The following MTAP variants were observed in gnomAD, a reference collection of about 807,000 sequenced individuals.
The protein encoded by MTAP is S-methyl-5'-thioadenosine phosphorylase.
In MTAP, 33 loss-of-function variants were observed where a neutral mutation model predicts 33.6. The ratio of observed to expected loss-of-function variants is 0.98; its 90% CI spans 0.74 to 1.31. The LOEUF is 1.31. Among genes scored for constraint, MTAP ranks in the 40% most tolerant of loss-of-function variants. MTAP has a pLI of 0.00. For missense variants in MTAP, 367 were observed against 360.0 expected, an observed-to-expected ratio of 1.02 and a Z score of -0.16; for synonymous variants, 148 against 125.7, an observed-to-expected ratio of 1.18 and a Z score of -1.19.
intron 3 of MTAP, 124 bp from the exon 4 acceptor site, chr9:21,817,911 A>C: frequency 1.1e-6 from 1 of 914,552 alleles, no homozygotes; most frequent in Non-Finnish European, 1.6e-6. Flanking sequence ...ACTGGGTTCT[A>C]GGAGACCCCC....
intron 1 of MTAP, among the ~76,000 whole-genome samples, chr9:21,882,973 A>G (rs1428145306): frequency 6.7e-6 from 1 of 149,822 alleles, no homozygotes; most frequent in Non-Finnish European, 1.5e-5. Flanking sequence ...TTATTTTCAA[A>G]AAGAAAAAAA....
At chr9:21,908,165 C>T (rs544639081) in intron 1 of MTAP, among the ~76,000 whole-genome samples, 1 of 152,258 alleles carries the variant, frequency 6.6e-6, no homozygotes, top group Admixed American at 6.5e-5. Flanking sequence ...GATTCTTTCT[C>T]CATGTCTATA....
downstream of MTAP, among the ~76,000 whole-genome samples, chr9:21,938,537 TATA>T (rs1385632453): frequency 5.3e-5 from 8 of 152,304 alleles, no homozygotes; most frequent in Admixed American, 5.2e-4. Flanking sequence ...CTTCTTATGT[TATA>T]ATATTATTCA....
Position 21,865,371 on chromosome 9 carries a change from T to A in MTAP, c.*3357T>A. On this transcript the variant is annotated 3_prime_UTR_variant, in exon 8 of 8. Transcript: ENST00000644715. ...CAGCTATGTGGAACTGTGAGTTAAT[T>A]AAACCTCTTTCCTTTATAAATTACC... 2.2e-6 allele frequency: 2 copies of A among 914,738 alleles called. No individual in the cohort carries two copies. The highest frequency in any genetic ancestry group is 2.6e-6 in the Non-Finnish European group (2 of 765,566). The allele number at this position is 914,738 out of a possible 1,614,324, so 56.7% of individuals were successfully genotyped here.
Position 21,867,038 on chromosome 9 carries a change from T to A in MTAP, c.*5024T>A, listed in dbSNP as rs1394441572. ...AGAAATATGTTTTATTTTTGTATAT[T>A]GACTTTATATTCTGTAATCTTATTA... is the stretch of plus-strand genomic sequence containing the variant. On this transcript the variant is annotated 3_prime_UTR_variant, in exon 8 of 8. Coordinates refer to ENST00000644715, the MANE Select transcript of MTAP (RefSeq NM_002451.4). The A allele has an allele frequency of 6.6e-6, 1 of 152,214 alleles. No homozygotes were observed. Among genetic ancestry groups the A allele is most frequent in the East Asian group, 1.9e-4 (1 of 5,208 alleles). The allele number at this position is 152,214 out of a possible 1,614,324, so 9.4% of individuals were successfully genotyped here.
chr9:21,905,455 TTTAAA>T (rs930011082), intron 1 of MTAP, among the ~76,000 whole-genome samples: 2 of 148,934 alleles, frequency 1.3e-5, no homozygotes, highest in African/African-American at 5.0e-5. Flanking sequence ...TGAAAAAAAG[TTTAAA>T]TTAGTTATGT....
Position 21,922,277 on chromosome 9 carries a change from G to T in MTAP, c.148-8731G>T, listed in dbSNP as rs1411184788. Among the ~76,000 whole-genome samples, 1 of 151,930 alleles carries T rather than the reference G, an allele frequency of 6.6e-6. No homozygotes were observed. The highest frequency in any genetic ancestry group is 6.6e-5 in the Admixed American group (1 of 15,254). ...CGCTCACAAGTGCTGGCAGGCCACT[G>T]TGCATGTGGATGGCCCACCCCAAGG... is the stretch of plus-strand genomic sequence containing the variant. On this transcript the variant is annotated intron_variant, in intron 1 of 1. Transcript: ENST00000577563. This position sits in a 1 kb window ranked among gnomAD's most constrained non-coding sequence, Gnocchi z 4.8.
At chr9:21,905,950 T>A (rs538093313) in intron 1 of MTAP, among the ~76,000 whole-genome samples, 1 of 152,276 alleles carries the variant, frequency 6.6e-6, no homozygotes, top group Admixed American at 6.5e-5. Flanking sequence ...TTCAAGTGGG[T>A]TTGGTATTTA....
chr9:21,900,989 G>T (rs1272330516), intron 1 of MTAP, among the ~76,000 whole-genome samples: 1 of 152,140 alleles, frequency 6.6e-6, no homozygotes, highest in African/African-American at 2.4e-5. Context: ...ACACAAAGAA[G>T]GGAACAACTG....
chr9:21,863,174 A>T lies in MTAP; in HGVS notation c.*1160A>T, dbSNP rs1329268148. 3.1e-6 allele frequency: 3 copies of T among 955,634 alleles called. No homozygotes were observed. The highest frequency in any genetic ancestry group is 3.7e-6 in the Non-Finnish European group (3 of 802,998). The allele number at this position is 955,634 out of a possible 1,614,324, so 59.2% of individuals were successfully genotyped here. ...ATTTAAAAGACTAAATGCACATTTT[A>T]TGGTATCTGATATTTTAAAAAGTAA... On this transcript the variant is annotated 3_prime_UTR_variant, in exon 8 of 8. Coordinates refer to ENST00000644715, the MANE Select transcript of MTAP (RefSeq NM_002451.4).
chr9:21,816,949 T>TGGGG (rs1337578905), intron 3 of MTAP, among the ~76,000 whole-genome samples, 177 bp downstream of exon 3: 1 of 152,206 alleles, frequency 6.6e-6, no homozygotes, highest in Non-Finnish European at 1.5e-5. Context: ...ACTTAGGAGA[T>TGGGG]CAAAGATCTC....
rs913643362 is a variant in MTAP at position 21,802,856 on chromosome 9, C to T, written c.33+75C>T. The T allele has an allele frequency of 2.5e-6, 4 of 1,583,880 alleles. No homozygotes were observed. In the African/African-American group the frequency reaches 4.1e-5, roughly 16 times the overall value. The stretch of plus-strand genomic sequence containing the variant: ...TCGCCCCCGCGCCGGGGGACCGCGC[C>T]TCCGGGGGCCATGCGCCCGGCCCGT... On this transcript the variant is annotated intron_variant, in intron 1 of 7. Transcript: ENST00000644715.
intron 1 of MTAP, among the ~76,000 whole-genome samples, chr9:21,925,175 C>A (rs1402515583): frequency 2.0e-5 from 3 of 152,214 alleles, no homozygotes; most frequent in Non-Finnish European, 4.4e-5. Context: ...AGAGCCAAGC[C>A]TGTAAACTAT....
intron 1 of MTAP, among the ~76,000 whole-genome samples, chr9:21,920,347 T>C (rs4977746): frequency 0.38 from 57,923 of 152,032 alleles, 14,496 homozygotes; most frequent in African/African-American, 0.69. Flanking sequence ...ATTAGAGCAA[T>C]GAAAAGAGAT....
intron 1 of MTAP, among the ~76,000 whole-genome samples, chr9:21,805,166 A>G (rs1824177701): frequency 6.6e-6 from 1 of 151,542 alleles, no homozygotes; most frequent in African/African-American, 2.4e-5. Context: ...GTACTCCTTT[A>G]ATGTCAGCCC....
At chr9:21,890,477 A>G (rs1356844519) in intron 1 of MTAP, among the ~76,000 whole-genome samples, 1 of 152,028 alleles carries the variant, frequency 6.6e-6, no homozygotes, top group African/African-American at 2.4e-5. Flanking sequence ...AGGAAAGTTC[A>G]TGATTGGTCA....
At chr9:21,932,978 T>C (rs1160553552), downstream of MTAP, 1 of 152,242 alleles carries the variant, frequency 6.6e-6, no homozygotes, top group Non-Finnish European at 1.5e-5. Flanking sequence ...AAATGCCTTA[T>C]GAAATTAGTC....
At chr9:21,844,645 T>C (rs1006689015) in intron 5 of MTAP, among the ~76,000 whole-genome samples, 1 of 152,186 alleles carries the variant, frequency 6.6e-6, no homozygotes, top group Non-Finnish European at 1.5e-5. Flanking sequence ...GTCATCTCAA[T>C]AGATGCAGAA....
chr9:21,805,152 C>G (rs1393198231), intron 1 of MTAP, among the ~76,000 whole-genome samples: 1 of 152,146 alleles, frequency 6.6e-6, no homozygotes, highest in Admixed American at 6.5e-5. Flanking sequence ...CAGCCCAGTT[C>G]CAGGTACTCC....
Sources: gnomAD v4.1 joint callset for allele counts (sites outside exome capture counted in the v4.1 genomes callset) on GRCh38, gnomAD v4.1.1 for gene constraint, Gnocchi (gnomAD v3.1) non-coding constraint, MANE v1.5 for transcripts, NCBI Gene and HGNC (gene_info 2026-07-23, HGNC 2026-07-21) for gene names.